The following RBFOX1 variants were observed in gnomAD, a reference collection of about 807,000 sequenced individuals.
The protein encoded by RBFOX1 is RNA binding fox-1 homolog 1.
Under a neutral mutation model 57.7 loss-of-function variants are expected in RBFOX1, and 8 were observed. The observed-to-expected ratio is 0.14, with a 90% CI of 0.08 to 0.25. The LOEUF (loss-of-function observed/expected upper bound fraction) is 0.25, where lower values mean the gene tolerates loss of function less well. Ranked by LOEUF, RBFOX1 falls within the 10% of genes least tolerant of loss-of-function variation. The probability of loss-of-function intolerance (pLI) is 1.00; values close to 1 mark genes in which losing one functional copy is unlikely to be tolerated. For missense variants in RBFOX1, 611 were observed against 548.5 expected (o/e 1.11, Z -1.14); for synonymous variants, 326 against 222.4 (o/e 1.47, Z -4.15).
chr16:7,149,458 T>G (rs2075695937), intron 4 of RBFOX1, among the ~76,000 whole-genome samples: 1 of 146,400 alleles, frequency 6.8e-6, no homozygotes, highest in Non-Finnish European at 1.5e-5. Context: ...TTCCTGTGGC[T>G]CTTTCTTTTT....
intron 4 of RBFOX1, among the ~76,000 whole-genome samples, chr16:7,437,511 A>G (rs1391700288): frequency 6.6e-6 from 1 of 152,230 alleles, no homozygotes; most frequent in African/African-American, 2.4e-5. Flanking sequence ...ATTAGAGCCA[A>G]GCTGCAGAGT....
intron 3 of RBFOX1, among the ~76,000 whole-genome samples, chr16:6,985,020 T>A (rs930680014): frequency 2.0e-5 from 3 of 152,088 alleles, no homozygotes; most frequent in Non-Finnish European, 4.4e-5. Flanking sequence ...GGGGGAAATA[T>A]CCTGGCTTTG....
At chr16:6,073,073 G>A (rs1258837292) in intron 1 of RBFOX1, among the ~76,000 whole-genome samples, 1 of 152,176 alleles carries the variant, frequency 6.6e-6, no homozygotes, top group Non-Finnish European at 1.5e-5. Context: ...GTTATGATGA[G>A]TCAGAATTTG....
At chr16:6,874,921 G>T (rs2061565512) in intron 3 of RBFOX1, among the ~76,000 whole-genome samples, 2 of 151,998 alleles carry the variant, frequency 1.3e-5, no homozygotes, top group African/African-American at 2.4e-5. Context: ...AATAATAAAA[G>T]AAAAACATTG....
At chr16:7,107,118 A>G (rs1182924639) in intron 4 of RBFOX1, among the ~76,000 whole-genome samples, 2 of 152,196 alleles carry the variant, frequency 1.3e-5, no homozygotes, top group Non-Finnish European at 2.9e-5. Context: ...AGGACCAACT[A>G]TGCAAAGAGT....
intron 2 of RBFOX1, among the ~76,000 whole-genome samples, chr16:6,322,994 A>C (rs1301772546): frequency 2.0e-5 from 3 of 151,972 alleles, no homozygotes; most frequent in Non-Finnish European, 2.9e-5. Flanking sequence ...AATATCTCTT[A>C]CCTCTCCTAA....
chr16:6,056,607 T>C (rs902119486), intron 1 of RBFOX1, among the ~76,000 whole-genome samples: 2 of 152,186 alleles, frequency 1.3e-5, no homozygotes, highest in Non-Finnish European at 2.9e-5. Context: ...TCCTGGTGGG[T>C]CTATAGCTGT....
intron 1 of RBFOX1, among the ~76,000 whole-genome samples, chr16:6,169,797 C>T (rs2096944832): frequency 6.6e-6 from 1 of 152,012 alleles, no homozygotes; most frequent in Admixed American, 6.6e-5. Flanking sequence ...TGGAGTCTCC[C>T]TCTATCACCC....
intron 1 of RBFOX1, among the ~76,000 whole-genome samples, chr16:6,174,463 T>C (rs2096987723): frequency 6.6e-6 from 1 of 151,988 alleles, no homozygotes; most frequent in Admixed American, 6.6e-5. Flanking sequence ...GGCATGGAGG[T>C]GCGTGCCTGT....
At chr16:6,846,962 T>TG (rs575406574) in intron 3 of RBFOX1, among the ~76,000 whole-genome samples, 2 of 152,062 alleles carry the variant, frequency 1.3e-5, no homozygotes, top group East Asian at 3.9e-4. Flanking sequence ...ACCATGTCTT[T>TG]GGGGGCAAAG....
intron 3 of RBFOX1, among the ~76,000 whole-genome samples, chr16:6,981,216 C>T (rs1447372622): frequency 6.6e-6 from 1 of 151,744 alleles, no homozygotes; most frequent in African/African-American, 2.4e-5. Context: ...TTTCATCACC[C>T]AGGTATTAAG....
intron 2 of RBFOX1, among the ~76,000 whole-genome samples, chr16:5,577,689 A>AT (rs1184926664): frequency 6.6e-6 from 1 of 152,186 alleles, no homozygotes; most frequent in Non-Finnish European, 1.5e-5. Context: ...TGTGCTGTAC[A>AT]TTACATCATA....
Position 6,019,038 on chromosome 16 carries a change from T to A in RBFOX1, c.-1081T>A. The A allele has an allele frequency of 2.1e-6, 2 of 949,832 alleles. No individual in the cohort carries two copies. The highest frequency in any genetic ancestry group is 9.8e-5 in the South Asian group (2 of 20,406). 58.8% of individuals were successfully genotyped at this position (949,832 alleles called of 1,614,324 possible). A position where few individuals can be genotyped will look rare whatever the true frequency, so the allele number is the denominator to read the frequency against. ...CCTCGCGCACCAGATTATTTTTGGC[T>A]CCGCAGCCGGGGCTGCTCGCTGCTT... On this transcript the variant is annotated 5_prime_UTR_variant, in exon 1 of 16. Coordinates refer to ENST00000550418, the MANE Select transcript of RBFOX1 (RefSeq NM_018723.4). This position sits in a 1 kb window ranked among gnomAD's most constrained non-coding sequence, Gnocchi z 4.2.
At chr16:7,456,474 C>A (rs2346944) in intron 4 of RBFOX1, among the ~76,000 whole-genome samples, 152,119 of 152,370 alleles carry the variant, frequency 1, 75,936 homozygotes, top group Middle Eastern at 1. Context: ...CAGGACGTGC[C>A]TCTCCAACTC....
chr16:7,294,711 A>G (rs1167949241), intron 4 of RBFOX1, among the ~76,000 whole-genome samples: 2 of 152,128 alleles, frequency 1.3e-5, no homozygotes, highest in East Asian at 3.9e-4. Context: ...TGAAGATAAA[A>G]TGGCATAGAG....
rs887108964 is a variant in RBFOX1 at position 5,455,686 on chromosome 16, C to G, written c.220-11530C>G. 3.3e-5 allele frequency among the ~76,000 whole-genome samples: 5 copies of G among 152,170 alleles called. No homozygotes were observed. In the South Asian group the frequency reaches 6.2e-4, roughly 19 times the overall value. On this transcript the variant is annotated intron_variant, in intron 1 of 2. Coordinates refer to the RBFOX1 transcript ENST00000585867. ...TCTCCATGCATATGATTTTCAGCAA[C>G]ATAGACAGGCAGCCCTTTAGCGGTC... is the stretch of plus-strand genomic sequence containing the variant.
At chr16:7,180,714 GAAAA>G (rs71391606) in intron 4 of RBFOX1, among the ~76,000 whole-genome samples, 36 of 146,152 alleles carry the variant, frequency 2.5e-4, no homozygotes, top group African/African-American at 4.5e-4. Context: ...TTATTATGAT[GAAAA>G]AAAAAAAAAA....
chr16:6,902,332 G>T (rs992336622), intron 3 of RBFOX1, among the ~76,000 whole-genome samples: 1 of 152,102 alleles, frequency 6.6e-6, no homozygotes, highest in Non-Finnish European at 1.5e-5. Flanking sequence ...GGGTTTCATG[G>T]CAAAACTCTG....
At chr16:5,481,793 C>T (rs1016955432) in intron 2 of RBFOX1, among the ~76,000 whole-genome samples, 1 of 152,148 alleles carries the variant, frequency 6.6e-6, no homozygotes, top group Non-Finnish European at 1.5e-5. Flanking sequence ...CCTTCTGAGC[C>T]CTCTCTCTGT....
Sources: allele counts gnomAD v4.1 joint callset (sites outside exome capture counted in the v4.1 genomes callset), GRCh38; gene constraint gnomAD v4.1.1; non-coding constraint Gnocchi (gnomAD v3.1); transcripts MANE v1.5; gene names NCBI Gene and HGNC (gene_info 2026-07-23, HGNC 2026-07-21).